The following SPAG16 variants were observed in gnomAD, a reference collection of about 807,000 sequenced individuals.
SPAG16 encodes the protein sperm associated antigen 16, also known as sperm-associated antigen 16 protein.
A neutral mutation model predicts 80.4 loss-of-function variants in SPAG16; 86 were observed. The observed-to-expected ratio is 1.07, with a 90% CI of 0.90 to 1.28. The LOEUF (loss-of-function observed/expected upper bound fraction) is 1.28. Ranked by LOEUF, SPAG16 falls within the 50% of genes most tolerant of loss-of-function variation. The pLI, the probability that SPAG16 is intolerant of heterozygous loss-of-function variation, is 0.00. For missense variants in SPAG16, 870 were observed against 765.3 expected (o/e 1.14, Z -1.61); for synonymous variants, 294 against 265.9 (o/e 1.11, Z -1.03).
At chr2:214,159,199 T>C (rs948007581) in intron 15 of SPAG16, among the ~76,000 whole-genome samples, 2 of 151,952 alleles carry the variant, frequency 1.3e-5, no homozygotes, top group African/African-American at 2.4e-5. Context: ...CATACTTTAA[T>C]CAATAGAAAT....
At chr2:214,004,950 C>T (rs1269265881) in intron 12 of SPAG16, among the ~76,000 whole-genome samples, 2 of 151,944 alleles carry the variant, frequency 1.3e-5, no homozygotes, top group East Asian at 1.9e-4. Context: ...GAGGGTCGAC[C>T]GTATTTTCAC....
chr2:213,825,235 G>A (rs899093283), intron 10 of SPAG16, among the ~76,000 whole-genome samples: 1 of 151,944 alleles, frequency 6.6e-6, no homozygotes, highest in Non-Finnish European at 1.5e-5. Context: ...TTGTCTGATT[G>A]CTTTAGCTGG....
chr2:213,351,152 A>G (rs756233562), intron 7 of SPAG16, among the ~76,000 whole-genome samples: 147 of 152,290 alleles, frequency 9.7e-4, no homozygotes, highest in Non-Finnish European at 1.1e-3. Flanking sequence ...TCTCAAAAAA[A>G]TTAAATTAAA....
At chr2:214,073,801 A>T (rs186571029) in intron 13 of SPAG16, among the ~76,000 whole-genome samples, 6 of 152,196 alleles carry the variant, frequency 3.9e-5, no homozygotes, top group African/African-American at 1.4e-4. Flanking sequence ...ACCTACTATA[A>T]GTCTTACTTT....
In SPAG16 at chr2:214,011,311, A is replaced by G. The variant is rs565052818; in HGVS notation, c.1401-2640A>G. Among the ~76,000 whole-genome samples the G allele has an allele frequency of 1.2e-4, 17 of 146,550 alleles. 2 individuals carry two copies. The South Asian group carries it at 2.6e-3, about 22-fold the overall frequency. ...TAAAAATAGCAGGTAAAATTTGTAC[A>G]TAAAACAGTAATTTTTTAAAAGAAA... is the stretch of plus-strand genomic sequence containing the variant. On this transcript the variant is annotated intron_variant, in intron 12 of 15. Coordinates refer to ENST00000331683, the MANE Select transcript of SPAG16 (RefSeq NM_024532.5).
intron 10 of SPAG16, among the ~76,000 whole-genome samples, chr2:213,520,157 C>A (rs1011718950): frequency 6.6e-6 from 1 of 151,726 alleles, no homozygotes; most frequent in South Asian, 2.1e-4. Flanking sequence ...CTACCACAAG[C>A]CAAGGAATGA....
chr2:213,756,429 C>T (rs777644583), intron 10 of SPAG16, among the ~76,000 whole-genome samples: 6 of 152,086 alleles, frequency 3.9e-5, no homozygotes, highest in Non-Finnish European at 7.4e-5. Flanking sequence ...GCAGAGGTTG[C>T]ATGCAGTGAG....
At chr2:213,702,622 C>T (rs920452688) in intron 10 of SPAG16, among the ~76,000 whole-genome samples, 9 of 152,234 alleles carry the variant, frequency 5.9e-5, no homozygotes, top group African/African-American at 2.2e-4. Flanking sequence ...TTTAATTTTT[C>T]AAAATTATTT....
chr2:214,136,566 A>G (rs1401431543), intron 14 of SPAG16, among the ~76,000 whole-genome samples: 1 of 152,196 alleles, frequency 6.6e-6, no homozygotes, highest in Non-Finnish European at 1.5e-5. Context: ...GGTAGTTGTT[A>G]ATGCCTAACA....
chr2:214,064,951 T>G (rs1486161272), intron 13 of SPAG16, among the ~76,000 whole-genome samples: 1 of 151,924 alleles, frequency 6.6e-6, no homozygotes, highest in Non-Finnish European at 1.5e-5. Flanking sequence ...TTATTTCATT[T>G]TTTCAAAATA....
chr2:214,074,903 G>A (rs947927858), intron 13 of SPAG16, among the ~76,000 whole-genome samples: 1 of 152,088 alleles, frequency 6.6e-6, no homozygotes, highest in Non-Finnish European at 1.5e-5. Context: ...TAGCAAGGAT[G>A]CAGAGTGGGA....
chr2:213,679,147 A>T (rs2064253057), intron 10 of SPAG16, among the ~76,000 whole-genome samples: 2 of 152,186 alleles, frequency 1.3e-5, no homozygotes, highest in South Asian at 4.1e-4. Context: ...CCTAATTCTA[A>T]ATATAAATTT....
intron 12 of SPAG16, among the ~76,000 whole-genome samples, chr2:213,976,135 T>TATATATACACACACACAC (rs749957411): frequency 2.2e-3 from 176 of 81,384 alleles, no homozygotes; most frequent in Admixed American, 0.013. Flanking sequence ...TATATATATA[T>TATATATACACACACACAC]ACACACACAC....
chr2:214,054,932 T>C (rs2049856550), intron 13 of SPAG16, among the ~76,000 whole-genome samples: 2 of 152,174 alleles, frequency 1.3e-5, no homozygotes. Context: ...CTGAGACCCA[T>C]AATATGCATA....
intron 10 of SPAG16, among the ~76,000 whole-genome samples, chr2:213,791,064 A>G (rs2070669447): frequency 6.6e-6 from 1 of 152,056 alleles, no homozygotes; most frequent in South Asian, 2.1e-4. Context: ...ATGGTCTCCA[A>G]TTGTGGTTAA....
At chr2:213,428,026 A>G (rs892613740) in intron 9 of SPAG16, among the ~76,000 whole-genome samples, 5 of 152,214 alleles carry the variant, frequency 3.3e-5, no homozygotes, top group African/African-American at 7.2e-5. Flanking sequence ...AATATAGAAG[A>G]TGGCAGAGTA....
intron 10 of SPAG16, among the ~76,000 whole-genome samples, chr2:213,595,749 GT>G (rs938231016): frequency 6.6e-6 from 1 of 151,706 alleles, no homozygotes; most frequent in African/African-American, 2.4e-5. Flanking sequence ...ACATTCTGAG[GT>G]TTTTTTTACT....
At position 213,667,763 on chromosome 2, in the gene SPAG16, A is replaced by T. The variant is rs564250909; in HGVS notation, c.1070+177673A>T. Among the ~76,000 whole-genome samples the T allele has an allele frequency of 1.0e-3, 158 of 152,356 alleles. 1 individual carries two copies. In the Middle Eastern group the frequency reaches 0.017, roughly 16 times the overall value. Reference sequence around the variant, plus strand: ...CAATAACTAAAAAAATCGGCAAGTCATATCTCACATACATAGACATGAGAA... The same window carrying T: ...CAATAACTAAAAAAATCGGCAAGTCTTATCTCACATACATAGACATGAGAA... On this transcript the variant is annotated intron_variant, in intron 10 of 15. Transcript: ENST00000331683.
At chr2:213,757,586 T>A (rs1412326976) in intron 10 of SPAG16, among the ~76,000 whole-genome samples, 1 of 152,170 alleles carries the variant, frequency 6.6e-6, no homozygotes, top group Admixed American at 6.5e-5. Context: ...TATAACTATT[T>A]TGGATTTTTG....
Sources: gnomAD v4.1 joint callset for allele counts (sites outside exome capture counted in the v4.1 genomes callset) on GRCh38, gnomAD v4.1.1 for gene constraint, MANE v1.5 for transcripts, NCBI Gene and HGNC (gene_info 2026-07-23, HGNC 2026-07-21) for gene names.